The following DCHS1 variants were observed in gnomAD, a reference collection of about 807,000 sequenced individuals.
DCHS1 encodes the protein protocadherin-16.
A neutral mutation model predicts 213.9 loss-of-function variants in DCHS1; 78 were observed. That is an observed-to-expected ratio of 0.36 (90% CI 0.30 to 0.44). The LOEUF (loss-of-function observed/expected upper bound fraction) is 0.44, where lower values mean the gene tolerates loss of function less well. DCHS1 is among the 20% of genes least tolerant of loss of function. DCHS1 has a pLI of 1.00. For missense variants in DCHS1, 3,946 were observed against 4,395.9 expected (o/e 0.90, Z 2.89); for synonymous variants, 1,828 against 1,873.7 (o/e 0.98, Z 0.63).
In DCHS1 at chr11:6,625,617, C is replaced by G; in HGVS notation, c.6842G>C (p.Trp2281Ser). 1 of 1,613,564 alleles carries G rather than the reference C, an allele frequency of 6.2e-7. No individual in the cohort carries two copies. The highest frequency in any genetic ancestry group is 8.5e-7 in the Non-Finnish European group (1 of 1,179,828). ...NDNRPTIPQPWELRVSEDALL... is the reference protein window; with the variant it reads ...NDNRPTIPQPSELRVSEDALL... ...CTCACCTTCTGACACTCGGAGCTCC[C>G]AGGGTTGGGGGATGGTGGGGCGATT... The change falls in exon 18 of 21, where the codon TGG (tryptophan) becomes TCG (serine). Residue 2281 changes from tryptophan to serine, a missense_variant. Coordinates refer to ENST00000299441, the MANE Select transcript of DCHS1 (RefSeq NM_003737.4). This position sits in a 1 kb window ranked among gnomAD's most constrained non-coding sequence, Gnocchi z 5.3.
At position 6,631,753 on chromosome 11, in the gene DCHS1, G is replaced by C. The variant is rs200372389; in HGVS notation, c.3538C>G (p.Leu1180Val). Residue 1180 changes from leucine to valine, a missense_variant, in exon 7 of 21, where the codon CTG becomes GTG. This residue lies in a region of DCHS1 where 3,384 missense variants were observed against 3,780.1 expected (regional missense o/e 0.90). Transcript: ENST00000299441. ...CTCCCTCCATCCTGCACCTGCACCAGGAGCTGATAGCTGCTCTGCTGCTCA... is the reference window on the plus strand; with the variant it reads ...CTCCCTCCATCCTGCACCTGCACCACGAGCTGATAGCTGCTCTGCTGCTCA... ...DREQQSSYQL[L>V]VQVQDGGSPP... The C allele has an allele frequency of 1.7e-5, 27 of 1,602,164 alleles. No individual in the cohort carries two copies. In the African/African-American group the frequency reaches 2.4e-4, roughly 14 times the overall value.
In DCHS1 at chr11:6,632,025, G is replaced by C; in HGVS notation, c.3481+6C>G. On this transcript the variant is annotated splice_donor_region_variant and intron_variant, in intron 6 of 20. Coordinates refer to ENST00000299441, the MANE Select transcript of DCHS1 (RefSeq NM_003737.4). The surrounding 1 kb of genome is among the most constrained non-coding windows in gnomAD (Gnocchi z 5.9). ...GCGGTCTCAGGATTTGGGTCTCTGT[G>C]CTCACCAGTCTGGGGGTGGATGCGG... is the stretch of plus-strand genomic sequence containing the variant. The C allele has an allele frequency of 6.6e-7, 1 of 1,505,518 alleles. No homozygotes were observed. The highest frequency in any genetic ancestry group is 8.8e-7 in the Non-Finnish European group (1 of 1,130,704). 93.3% of individuals were successfully genotyped at this position (1,505,518 alleles called of 1,614,324 possible).
chr11:6,640,607 T>C lies in DCHS1; in HGVS notation c.1007A>G (p.Asp336Gly). Residue 336 changes from aspartate to glycine, a missense_variant, in exon 2 of 21, where the codon GAT (aspartate) becomes GGT (glycine). By Grantham distance (94) the Asp-to-Gly change is moderately conservative (BLOSUM62 -1). Transcript: ENST00000299441. This position sits in a 1 kb window ranked among gnomAD's most constrained non-coding sequence, Gnocchi z 6.5. The part of the protein sequence containing the change: ...RVHELVVQAR[D>G]GGAHPELGSA... ...GCCCAGCTCAGGGTGAGCCCCACCA[T>C]CTCGTGCTTGCACCACCAGTTCATG... The C allele has an allele frequency of 6.2e-7, 1 of 1,609,026 alleles. No individual in the cohort carries two copies. Among genetic ancestry groups the C allele is most frequent in the Non-Finnish European group, 8.5e-7 (1 of 1,179,822 alleles).
chr11:6,634,778 G>GA (rs35447162), intron 2 of DCHS1, among the ~76,000 whole-genome samples: 55,842 of 149,354 alleles, frequency 0.37, 10,342 homozygotes, highest in East Asian at 0.45. Flanking sequence ...CTAAAAAAAT[G>GA]AAAAAAAAAA....
chr11:6,630,279 G>C lies in DCHS1; in HGVS notation c.4515C>G (p.Thr1505=). 6.5e-7 allele frequency: 1 copy of C among 1,526,824 alleles called. No individual in the cohort carries two copies. Among genetic ancestry groups the C allele is most frequent in the Non-Finnish European group, 8.8e-7 (1 of 1,140,426 alleles). The allele number at this position is 1,526,824 out of a possible 1,614,324, so 94.6% of individuals were successfully genotyped here. The change falls in exon 10 of 21, where the codon ACC becomes ACG. Residue 1505 remains threonine (T), a synonymous_variant. Transcript: ENST00000299441. ...CCACCAGCAGCAGCAGCGCGGGAGT[G>C]GTCTCTCGGTCCAGGCCGCGCGGAG... ...LSAPRGLDRE[T]TPALLLLVEA...
rs1855856996 is a variant in DCHS1, at chr11:6,628,925, C to A, written c.5162-95G>T. On this transcript the variant is annotated intron_variant, in intron 12 of 20. Transcript: ENST00000299441. The surrounding 1 kb of genome is among the most constrained non-coding windows in gnomAD (Gnocchi z 4.3). ...TTCATACATGTTCACTAGGTGCACA[C>A]AAACCAGAAAATGTCCATCTCTCCA... The A allele has an allele frequency of 9.0e-6, 12 of 1,327,782 alleles. No homozygotes were observed. The South Asian group carries it at 1.5e-4, about 17-fold the overall frequency. 82.3% of individuals were successfully genotyped at this position (1,327,782 alleles called of 1,614,324 possible).
intron 1 of DCHS1, among the ~76,000 whole-genome samples, chr11:6,646,978 C>G (rs968314317): frequency 6.6e-6 from 1 of 152,002 alleles, no homozygotes; most frequent in African/African-American, 2.4e-5. Flanking sequence ...AGGAGTGGCC[C>G]GAGGCGCTGA....
Position 6,625,984 on chromosome 11 carries a change from C to A in DCHS1, c.6667G>T (p.Asp2223Tyr). The change falls in exon 17 of 21, where the codon GAC becomes TAC. Residue 2223 changes from aspartate (D) to tyrosine (Y), a missense_variant. Asp to Tyr is a radical substitution (Grantham distance 160). This residue lies in a region of DCHS1 where 3,384 missense variants were observed against 3,780.1 expected (regional missense o/e 0.90). Coordinates refer to ENST00000299441, the MANE Select transcript of DCHS1 (RefSeq NM_003737.4). The surrounding 1 kb of genome is among the most constrained non-coding windows in gnomAD (Gnocchi z 5.3). The stretch of plus-strand genomic sequence containing the variant: ...GTAGTGATAGTGCCTGTGGTTGGGT[C>A]TACGTGGAACAATCCACGTGCCGGC... ...SQPARGLFHV[D>Y]PTTGTITTTA... 1 of 1,613,486 alleles carries A rather than the reference C, an allele frequency of 6.2e-7. No homozygotes were observed. The highest frequency in any genetic ancestry group is 8.5e-7 in the Non-Finnish European group (1 of 1,179,672).
At chr11:6,648,921 G>A (rs941832969) in intron 1 of DCHS1, among the ~76,000 whole-genome samples, 1 of 152,076 alleles carries the variant, frequency 6.6e-6, no homozygotes, top group Non-Finnish European at 1.5e-5. Flanking sequence ...ATCCTGACTC[G>A]GCCACTTAAG....
In DCHS1 at chr11:6,641,848, C is replaced by T. The variant is rs542402526; in HGVS notation, c.-120-115G>A. ...GCTCAGCCCCCAGCAGGCCCTTGTG[C>T]TGCCTCACACTCATCTTGGGCCACA... On this transcript the variant is annotated intron_variant, in intron 1 of 20. Coordinates refer to ENST00000299441, the MANE Select transcript of DCHS1 (RefSeq NM_003737.4). The surrounding 1 kb of genome is among the most constrained non-coding windows in gnomAD (Gnocchi z 7.1). 1.4e-5 allele frequency: 12 copies of T among 876,900 alleles called. No homozygotes were observed. In the East Asian group the frequency reaches 3.3e-4, roughly 24 times the overall value. 54.3% of individuals were successfully genotyped at this position (876,900 alleles called of 1,614,324 possible). A position where few individuals can be genotyped will look rare whatever the true frequency, so the allele number is the denominator to read the frequency against.
At position 6,623,158 on chromosome 11, in the gene DCHS1, C is replaced by T. The variant is rs1206806065; in HGVS notation, c.8518G>A (p.Glu2840Lys). The change falls in exon 21 of 21, where the codon GAG becomes AAG. Residue 2840 changes from glutamate (E) to lysine (K), a missense_variant. Glu to Lys is a moderately conservative substitution (Grantham distance 56). Around this residue, in one of 3 missense-constraint regions of DCHS1, gnomAD observed 8 missense variants for 25.5 expected, o/e 0.31. Coordinates refer to ENST00000299441, the MANE Select transcript of DCHS1 (RefSeq NM_003737.4). The stretch of plus-strand genomic sequence containing the variant: ...ACCAGGCCATCGGCACCCCCATCCT[C>T]ATCTGTGGCCTGCACGTGACCCAAG... ...HSLGHVQATD[E>K]DGGADGLVLY... 1.9e-6 allele frequency: 3 copies of T among 1,608,718 alleles called. No homozygotes were observed. Among genetic ancestry groups the T allele is most frequent in the Non-Finnish European group, 2.5e-6 (3 of 1,177,662 alleles).
intron 1 of DCHS1, among the ~76,000 whole-genome samples, chr11:6,653,955 A>C (rs1856280949): frequency 6.6e-6 from 1 of 152,166 alleles, no homozygotes; most frequent in African/African-American, 2.4e-5. Context: ...AGAATTTTAA[A>C]GGTGGAATAG....
intron 12 of DCHS1, among the ~76,000 whole-genome samples, chr11:6,629,249 C>A (rs947208128): frequency 6.6e-6 from 1 of 152,218 alleles, no homozygotes; most frequent in African/African-American, 2.4e-5. Context: ...AGAATTTGTA[C>A]GGTCACAGTT....
chr11:6,650,392 G>A (rs1273887884), intron 1 of DCHS1, among the ~76,000 whole-genome samples: 1 of 152,150 alleles, frequency 6.6e-6, no homozygotes, highest in Admixed American at 6.5e-5. Context: ...ACCTAGGGAA[G>A]ATGGATACAG....
intron 1 of DCHS1, among the ~76,000 whole-genome samples, chr11:6,649,492 C>T (rs1004933140): frequency 6.6e-6 from 1 of 151,412 alleles, no homozygotes; most frequent in African/African-American, 2.4e-5. Context: ...TGGAGGCCTC[C>T]AGGAGACAAA....
At position 6,627,536 on chromosome 11, in the gene DCHS1, G is replaced by A. The variant is rs148791938; in HGVS notation, c.5503C>T (p.Leu1835Phe). The A allele has an allele frequency of 8.6e-4, 1,379 of 1,612,724 alleles. 4 individuals are homozygous for A. The highest frequency in any genetic ancestry group is 9.6e-4 in the Non-Finnish European group (1,137 of 1,179,556). Reference sequence around the variant, plus strand: ...ACTGTCAAAAGCAGCGTGGCACTGAGAGCTGGCTGGCCTCCATCCCGGGCC... The same window carrying A: ...ACTGTCAAAAGCAGCGTGGCACTGAAAGCTGGCTGGCCTCCATCCCGGGCC... ...IEARDGGQPA[L>F]SATLLLTVTV... is the part of the protein sequence containing the mutation. Residue 1835 changes from leucine (L) to phenylalanine (F), a missense_variant, in exon 14 of 21, where the codon CTC (leucine) becomes TTC (phenylalanine). Leu to Phe is a conservative substitution (Grantham distance 22, BLOSUM62 0). Coordinates refer to ENST00000299441, the MANE Select transcript of DCHS1 (RefSeq NM_003737.4). The surrounding 1 kb of genome is among the most constrained non-coding windows in gnomAD (Gnocchi z 5.4).
intron 1 of DCHS1, among the ~76,000 whole-genome samples, chr11:6,651,581 T>C (rs1856242869): frequency 1.3e-5 from 2 of 152,068 alleles, no homozygotes; most frequent in Non-Finnish European, 2.9e-5. Context: ...ATGAAAAGAA[T>C]GGATTGAAAG....
Position 6,629,988 on chromosome 11 carries a change from C to G in DCHS1, c.4795+11G>C, listed in dbSNP as rs373912092. The G allele has an allele frequency of 1.5e-5, 23 of 1,578,702 alleles. No homozygotes were observed. In the African/African-American group the frequency reaches 2.6e-4, roughly 18 times the overall value. The stretch of plus-strand genomic sequence containing the variant: ...ACCTTCCTCGCCCTCACTCCCAGAC[C>G]TAACTCTCACCAGTGCTTGAGTGCA... On this transcript the variant is annotated intron_variant, in intron 10 of 20. Transcript: ENST00000299441.
intron 1 of DCHS1, among the ~76,000 whole-genome samples, chr11:6,654,441 A>G (rs1856286330): frequency 6.6e-6 from 1 of 152,168 alleles, no homozygotes. Context: ...GTTGCTGGTG[A>G]CAGTGTTTCT....
Sources: allele counts gnomAD v4.1 joint callset (sites outside exome capture counted in the v4.1 genomes callset), GRCh38; gene constraint gnomAD v4.1.1; regional missense constraint gnomAD v4.1.1; non-coding constraint Gnocchi (gnomAD v3.1); transcripts MANE v1.5; gene names NCBI Gene and HGNC (gene_info 2026-07-23, HGNC 2026-07-21).